CPED1: variants seen among roughly 807,000 people sequenced by gnomAD.
CPED1 encodes cadherin-like and PC-esterase domain-containing protein 1.
CPED1 carries 114 observed loss-of-function variants against 128.2 expected under a neutral mutation model. The ratio of observed to expected loss-of-function variants is 0.89; its 90% CI spans 0.76 to 1.04. The LOEUF (loss-of-function observed/expected upper bound fraction) is 1.04. Among genes scored for constraint, CPED1 ranks in the 50% least tolerant of loss-of-function variants. The probability of loss-of-function intolerance (pLI) is 0.00; values close to 1 mark genes in which losing one functional copy is unlikely to be tolerated. For missense variants in CPED1, 1,211 were observed against 1,207.1 expected (o/e 1.00, Z -0.05); for synonymous variants, 462 against 426.7 (o/e 1.08, Z -1.02).
intron 18 of CPED1, among the ~76,000 whole-genome samples, chr7:121,260,193 T>A (rs1158432090): frequency 6.8e-6 from 1 of 147,762 alleles, no homozygotes; most frequent in East Asian, 2.1e-4. Flanking sequence ...GAGCTATGCC[T>A]AGGTGATGTT....
intron 16 of CPED1, among the ~76,000 whole-genome samples, chr7:121,173,404 C>T (rs937109410): frequency 6.6e-6 from 1 of 152,090 alleles, no homozygotes; most frequent in African/African-American, 2.4e-5. Flanking sequence ...TTCCTGTCTA[C>T]CACCCTTCAC....
intron 16 of CPED1, among the ~76,000 whole-genome samples, chr7:121,150,893 C>T (rs371152326): frequency 2.0e-5 from 3 of 151,986 alleles, no homozygotes; most frequent in South Asian, 2.1e-4. Context: ...TTCAGCCTCT[C>T]GAGTAGCTGG....
intron 21 of CPED1, among the ~76,000 whole-genome samples, chr7:121,269,419 T>C (rs1290809331): frequency 6.6e-6 from 1 of 152,090 alleles, no homozygotes; most frequent in African/African-American, 2.4e-5. Context: ...CTAGGTTGGT[T>C]CTATGTCTTT....
chr7:121,109,878 T>C (rs1795064695), intron 7 of CPED1, among the ~76,000 whole-genome samples: 1 of 152,206 alleles, frequency 6.6e-6, no homozygotes, highest in Non-Finnish European at 1.5e-5. Context: ...AAGGAGTTAC[T>C]GTTAAAGAAA....
intron 16 of CPED1, among the ~76,000 whole-genome samples, chr7:121,179,835 T>G (rs1232950386): frequency 1.3e-5 from 2 of 152,092 alleles, no homozygotes; most frequent in Non-Finnish European, 2.9e-5. Context: ...TTATATTGCT[T>G]TGATAGTCTG....
intron 5 of CPED1, among the ~76,000 whole-genome samples, chr7:121,083,408 T>C (rs1191815312): frequency 6.6e-6 from 1 of 152,130 alleles, no homozygotes; most frequent in Non-Finnish European, 1.5e-5. Flanking sequence ...CTTCTGGTCT[T>C]CTTGGGAGGG....
In CPED1 at chr7:121,222,217, G is replaced by A. The variant is rs577127934; in HGVS notation, c.2056-14497G>A. Among the ~76,000 whole-genome samples the A allele has an allele frequency of 4.6e-3, 706 of 152,058 alleles. 1 individual carries two copies. The highest frequency in any genetic ancestry group is 0.011 in the African/African-American group (473 of 41,528). On this transcript the variant is annotated intron_variant, in intron 16 of 22. Coordinates refer to ENST00000310396, the MANE Select transcript of CPED1 (RefSeq NM_024913.5). Reference sequence around the variant, plus strand: ...GCACCATTTATTAAATAGGGAATCCGTTTCCCATTTCTTGTTTTTGTCAGG... The same window carrying A: ...GCACCATTTATTAAATAGGGAATCCATTTCCCATTTCTTGTTTTTGTCAGG...
chr7:121,054,477 G>A lies in CPED1; in HGVS notation c.540+7484G>A, dbSNP rs78577189. ...TTACTAATAAAAGTGAACGTTTTGT[G>A]TGTGGTCTTCTTGTCTTTTTGTCTA... is the stretch of plus-strand genomic sequence containing the variant. On this transcript the variant is annotated intron_variant, in intron 4 of 22. Transcript: ENST00000310396. Among the ~76,000 whole-genome samples, 15 of 152,220 alleles carry A rather than the reference G, an allele frequency of 9.9e-5. No individual in the cohort carries two copies. The East Asian group carries it at 2.3e-3, about 24-fold the overall frequency.
intron 12 of CPED1, 148 bp from the exon 13 acceptor site, chr7:121,133,675 A>G (rs1795722390): frequency 3.6e-6 from 2 of 550,912 alleles, no homozygotes; most frequent in Non-Finnish European, 6.5e-6. Context: ...GTAGATTGCC[A>G]GTTTTGAGGA....
At chr7:121,010,781 A>G (rs1323278863) in intron 2 of CPED1, among the ~76,000 whole-genome samples, 3 of 152,186 alleles carry the variant, frequency 2.0e-5, no homozygotes, top group Admixed American at 1.3e-4. Flanking sequence ...AGATGCAAAC[A>G]GAAGTACACT....
chr7:121,130,566 T>C (rs527389978), intron 12 of CPED1, among the ~76,000 whole-genome samples: 66 of 152,102 alleles, frequency 4.3e-4, no homozygotes, highest in Non-Finnish European at 9.1e-4. Flanking sequence ...CAATCTAGTT[T>C]CCTTCAGTGA....
intron 18 of CPED1, among the ~76,000 whole-genome samples, chr7:121,250,947 A>G (rs1464909650): frequency 6.6e-6 from 1 of 152,124 alleles, no homozygotes; most frequent in Non-Finnish European, 1.5e-5. Flanking sequence ...AAAAAAGGGA[A>G]TCCTCCCTAA....
At chr7:121,122,410 G>A (rs987142937) in intron 7 of CPED1, among the ~76,000 whole-genome samples, 2 of 152,068 alleles carry the variant, frequency 1.3e-5, no homozygotes, top group African/African-American at 4.8e-5. Context: ...CAAAGTGCTG[G>A]GATTATAGGC....
At chr7:121,168,278 C>A (rs532141842) in intron 16 of CPED1, among the ~76,000 whole-genome samples, 1 of 152,234 alleles carries the variant, frequency 6.6e-6, no homozygotes, top group Non-Finnish European at 1.5e-5. Flanking sequence ...TTAAGAAAAC[C>A]TGAAATAATT....
At chr7:121,255,325 T>A (rs773909022) in intron 18 of CPED1, among the ~76,000 whole-genome samples, 3 of 152,078 alleles carry the variant, frequency 2.0e-5, no homozygotes, top group Non-Finnish European at 2.9e-5. Context: ...ATCATCTCAA[T>A]ACATATAGAA....
In CPED1 at chr7:121,034,278, C is replaced by T. The variant is rs559479844; in HGVS notation, c.434-12609C>T. Among the ~76,000 whole-genome samples, 7 of 121,678 alleles carry T rather than the reference C, an allele frequency of 5.8e-5. No homozygotes were observed. The South Asian group carries it at 1.9e-3, about 33-fold the overall frequency. The allele number at this position is 121,678 out of a possible 152,430, so 79.8% of individuals were successfully genotyped here. On this transcript the variant is annotated intron_variant, in intron 3 of 22. Transcript: ENST00000310396. Reference sequence around the variant, plus strand: ...TTTTTTTTTTTTTGAGATGGAGTCTCGCCCTGTCACCCAGGCTGGAGTGCA... The same window carrying T: ...TTTTTTTTTTTTTGAGATGGAGTCTTGCCCTGTCACCCAGGCTGGAGTGCA...
At chr7:121,054,628 A>G (rs1222044998) in intron 4 of CPED1, among the ~76,000 whole-genome samples, 1 of 151,166 alleles carries the variant, frequency 6.6e-6, no homozygotes, top group Non-Finnish European at 1.5e-5. Flanking sequence ...GTATTATTTG[A>G]GTCCCCAACC....
At chr7:121,085,353 T>C (rs1350570269) in intron 5 of CPED1, among the ~76,000 whole-genome samples, 2 of 152,208 alleles carry the variant, frequency 1.3e-5, no homozygotes, top group Non-Finnish European at 2.9e-5. Context: ...TCCCTTTAGT[T>C]TTCCAAAGCC....
At chr7:121,151,800 T>C (rs1218921924) in intron 16 of CPED1, among the ~76,000 whole-genome samples, 1 of 152,200 alleles carries the variant, frequency 6.6e-6, no homozygotes, top group Non-Finnish European at 1.5e-5. Context: ...TAACAAATTG[T>C]TTTTTGTTCA....
Sources: gnomAD v4.1 joint callset for allele counts (sites outside exome capture counted in the v4.1 genomes callset) on GRCh38, gnomAD v4.1.1 for gene constraint, MANE v1.5 for transcripts, NCBI Gene and HGNC (gene_info 2026-07-23, HGNC 2026-07-21) for gene names.